IDO2: variants seen among roughly 807,000 people sequenced by gnomAD.
IDO2 encodes indoleamine 2,3-dioxygenase 2.
Under a neutral mutation model 45.1 loss-of-function variants are expected in IDO2, and 46 were observed. That is an observed-to-expected ratio of 1.02 (90% CI 0.80 to 1.30). The LOEUF (loss-of-function observed/expected upper bound fraction) is 1.30. Among genes scored for constraint, IDO2 ranks in the 50% most tolerant of loss-of-function variants. The pLI, the probability that IDO2 is intolerant of heterozygous loss-of-function variation, is 0.00. For missense variants in IDO2, 544 were observed against 491.8 expected, an observed-to-expected ratio of 1.11 and a Z score of -1.00; for synonymous variants, 218 against 184.9, an observed-to-expected ratio of 1.18 and a Z score of -1.45.
At chr8:39,970,018 T>TA (rs1308749468) in intron 3 of IDO2, among the ~76,000 whole-genome samples, 2 of 151,984 alleles carry the variant, frequency 1.3e-5, no homozygotes, top group African/African-American at 4.8e-5. Flanking sequence ...TGAAGAAAAT[T>TA]AAAAGTGCTA....
rs191761259 is a variant in IDO2, at chr8:39,997,957, C to T, written c.668-7370C>T. ...TGCTGCCCAGCAGCAGGTATGAAGC[C>T]GGCTGGTGACTGGCTAGCAAATGCC... On this transcript the variant is annotated intron_variant, in intron 8 of 10. Coordinates refer to ENST00000502986, the Ensembl canonical transcript of IDO2. 2.0e-3 allele frequency: 441 copies of T among 224,388 alleles called. 1 individual carries two copies. Among genetic ancestry groups the T allele is most frequent in the South Asian group, 4.3e-3 (55 of 12,682 alleles). 13.9% of individuals were successfully genotyped at this position (224,388 alleles called of 1,614,324 possible). A position where few individuals can be genotyped will look rare whatever the true frequency, so the allele number is the denominator to read the frequency against.
chr8:40,003,268 G>A (rs996689015), intron 8 of IDO2, among the ~76,000 whole-genome samples: 4 of 151,168 alleles, frequency 2.6e-5, no homozygotes, highest in Non-Finnish European at 4.4e-5. Flanking sequence ...TACTCAGGAT[G>A]CTGAAGCAGG....
exon 1 of IDO2, chr8:39,935,177 C>T: frequency 6.2e-7 from 1 of 1,613,054 alleles, no homozygotes; most frequent in Non-Finnish European, 8.5e-7. Flanking sequence ...TGACACTTCA[C>T]CCACCAGGCC....
chr8:39,963,089 C>A (rs1808023942), intron 2 of IDO2, among the ~76,000 whole-genome samples: 1 of 152,148 alleles, frequency 6.6e-6, no homozygotes, highest in Non-Finnish European at 1.5e-5. Context: ...CTGCCTCCTG[C>A]CTCTATCACT....
At position 39,960,456 on chromosome 8, in the gene IDO2, A is replaced by G. The variant is rs184121347; in HGVS notation, c.100-3152A>G. Among the ~76,000 whole-genome samples the G allele has an allele frequency of 3.3e-5, 5 of 152,184 alleles. No homozygotes were observed. The East Asian group carries it at 7.7e-4, about 24-fold the overall frequency. On this transcript the variant is annotated intron_variant, in intron 2 of 10. Coordinates refer to ENST00000502986, the Ensembl canonical transcript of IDO2. ...TTGTCTTCAATCTCTCCCTCTTGCA[A>G]TAGCCAACTATAAACTGCTCAAGCT...
intron 2 of IDO2, 130 bp downstream of exon 2, chr8:39,949,394 G>C: frequency 3.1e-6 from 2 of 646,848 alleles, no homozygotes; most frequent in Middle Eastern, 4.1e-4. Context: ...TGAGAAAGAT[G>C]CTACAAAGAG....
intron 2 of IDO2, among the ~76,000 whole-genome samples, chr8:39,961,320 C>CTTTTT (rs57577433): frequency 0.01 from 1,081 of 106,032 alleles, 41 homozygotes; most frequent in East Asian, 0.069. Context: ...TTGTATACTT[C>CTTTTT]TTTTTTTTTT....
At chr8:39,974,295 C>G (rs1054500371) in intron 3 of IDO2, among the ~76,000 whole-genome samples, 1 of 152,048 alleles carries the variant, frequency 6.6e-6, no homozygotes, top group African/African-American at 2.4e-5. Context: ...GTTGGGAACA[C>G]GATGGTAAAA....
At chr8:40,011,550 G>A (rs1004104391) in intron 9 of IDO2, among the ~76,000 whole-genome samples, 19 of 152,152 alleles carry the variant, frequency 1.2e-4, no homozygotes, top group Admixed American at 3.9e-4. Context: ...ACAGCTGTAG[G>A]AAGCAAATAC....
rs1207902008 is a variant in IDO2, at chr8:39,943,174, C to T, written c.-17-5975C>T. 4.0e-5 allele frequency among the ~76,000 whole-genome samples: 6 copies of T among 151,202 alleles called. No individual in the cohort carries two copies. In the South Asian group the frequency reaches 6.3e-4, roughly 16 times the overall value. ...CTTGAGGTCAGGAGTTTGAGACCAG[C>T]GTGACTAACGTGGGGAAACCCCGTC... On this transcript the variant is annotated intron_variant, in intron 1 of 10. Transcript: ENST00000502986.
At chr8:39,976,123 G>A (rs756797100) in intron 3 of IDO2, among the ~76,000 whole-genome samples, 11 of 152,062 alleles carry the variant, frequency 7.2e-5, no homozygotes, top group Admixed American at 3.3e-4. Context: ...GGGACTACAG[G>A]TGTGCACCAC....
intron 1 of IDO2, among the ~76,000 whole-genome samples, chr8:39,936,637 G>A (rs910374931): frequency 1.3e-5 from 2 of 152,130 alleles, no homozygotes; most frequent in Non-Finnish European, 2.9e-5. Context: ...CAGGATTTAC[G>A]GCAAGTACAT....
chr8:39,944,547 C>T (rs537533261), intron 1 of IDO2, among the ~76,000 whole-genome samples: 1 of 152,296 alleles, frequency 6.6e-6, no homozygotes, highest in South Asian at 2.1e-4. Context: ...ACTCCCAGCA[C>T]ATCCAGGAAT....
chr8:39,989,982 T>C, intron 8 of IDO2, 144 bp downstream of exon 8: 1 of 585,418 alleles, frequency 1.7e-6, no homozygotes, highest in Non-Finnish European at 3.0e-6. Context: ...ATCTTTGTTT[T>C]AGGTTAAACA....
intron 1 of IDO2, among the ~76,000 whole-genome samples, chr8:39,939,253 A>G (rs1807604969): frequency 6.7e-6 from 1 of 149,826 alleles, no homozygotes; most frequent in African/African-American, 2.5e-5. Flanking sequence ...AAAAAAAAAA[A>G]AAAAAAAAAG....
At chr8:39,938,889 C>T (rs1052204803) in intron 1 of IDO2, among the ~76,000 whole-genome samples, 3 of 152,146 alleles carry the variant, frequency 2.0e-5, no homozygotes, top group Admixed American at 6.5e-5. Context: ...GATACCACTA[C>T]ATTTCTACAT....
At chr8:39,995,893 G>A (rs535891475) in intron 8 of IDO2, among the ~76,000 whole-genome samples, 4 of 152,246 alleles carry the variant, frequency 2.6e-5, no homozygotes, top group African/African-American at 9.6e-5. Context: ...CCGCGTCTGG[G>A]AAGATGCCTG....
chr8:40,016,148 G>T (rs1308779670), exon 11 of IDO2: 1 of 395,478 alleles, frequency 2.5e-6, no homozygotes, highest in Non-Finnish European at 4.5e-6. Flanking sequence ...TAAGGACTTG[G>T]AAGTCACTAG....
At chr8:40,005,574 A>G (rs1457666907) in intron 9 of IDO2, among the ~76,000 whole-genome samples, 196 bp downstream of exon 9, 1 of 152,190 alleles carries the variant, frequency 6.6e-6, no homozygotes, top group African/African-American at 2.4e-5. Flanking sequence ...TTCAGTTAAG[A>G]GTGTTTGTTC....
Sources: allele counts gnomAD v4.1 joint callset (sites outside exome capture counted in the v4.1 genomes callset), GRCh38; gene constraint gnomAD v4.1.1; transcripts MANE v1.5; gene names NCBI Gene and HGNC (gene_info 2026-07-23, HGNC 2026-07-21).